Variants in RBFOX3 observed in about 807,000 individuals in gnomAD.
RBFOX3 encodes the protein RNA binding fox-1 homolog 3, also known as RNA binding protein fox-1 homolog 3.
A neutral mutation model predicts 48.7 loss-of-function variants in RBFOX3; 17 were observed. The observed-to-expected ratio is 0.35, with a 90% CI of 0.24 to 0.52. The LOEUF (loss-of-function observed/expected upper bound fraction) is 0.52. Ranked by LOEUF, RBFOX3 falls within the 20% of genes least tolerant of loss-of-function variation. RBFOX3 has a pLI of 0.94. For synonymous variants in RBFOX3, 212 were observed against 209.5 expected (o/e 1.01, Z -0.10); for missense variants, 382 against 497.5 (o/e 0.77, Z 2.21).
chr17:79,485,272 G>A (rs1025707960), intron 1 of RBFOX3, among the ~76,000 whole-genome samples: 1 of 152,174 alleles, frequency 6.6e-6, no homozygotes. Context: ...AATGGAAACA[G>A]AGTCCATCCC....
intron 3 of RBFOX3, among the ~76,000 whole-genome samples, chr17:79,238,645 CA>C (rs1164277670): frequency 6.6e-6 from 1 of 152,246 alleles, no homozygotes; most frequent in Non-Finnish European, 1.5e-5. Context: ...CCACCCCATC[CA>C]ACCCAGCTTC....
intron 1 of RBFOX3, among the ~76,000 whole-genome samples, chr17:79,488,733 C>T (rs2080037582): frequency 5.9e-5 from 9 of 152,226 alleles, no homozygotes; most frequent in Non-Finnish European, 2.9e-5. Context: ...CCCAAAGTGT[C>T]TTGGATGTCA....
intron 4 of RBFOX3, among the ~76,000 whole-genome samples, chr17:79,223,795 C>T (rs1249171694): frequency 6.6e-6 from 1 of 152,160 alleles, no homozygotes; most frequent in African/African-American, 2.4e-5. Flanking sequence ...TGCTCTGTGG[C>T]AGTGCGCCCC....
intron 4 of RBFOX3, among the ~76,000 whole-genome samples, chr17:79,169,099 G>A (rs1160933138): frequency 1.3e-5 from 2 of 152,008 alleles, no homozygotes; most frequent in African/African-American, 2.4e-5. Flanking sequence ...GAGCCCAGCT[G>A]CACAGGGCGG....
intron 1 of RBFOX3, among the ~76,000 whole-genome samples, chr17:79,506,798 G>A (rs1022854007): frequency 2.0e-5 from 3 of 152,304 alleles, no homozygotes; most frequent in South Asian, 2.1e-4. Flanking sequence ...GCAGAGGAGC[G>A]GCGGCCGCTT....
the RBFOX3 span, among the ~76,000 whole-genome samples, chr17:79,660,654 C>T: frequency 8.5e-5 from 13 of 152,190 alleles, no homozygotes; most frequent in South Asian, 2.3e-3. Flanking sequence ...CAGATGCTGG[C>T]GAGGTTATGG....
At chr17:79,225,302 T>TC (rs993784491) in intron 4 of RBFOX3, among the ~76,000 whole-genome samples, 4 of 149,684 alleles carry the variant, frequency 2.7e-5, no homozygotes, top group African/African-American at 4.9e-5. Context: ...TTTTTTTTTT[T>TC]TTTTTTTAGA....
chr17:79,272,070 C>T (rs74616926), intron 3 of RBFOX3, among the ~76,000 whole-genome samples: 2,065 of 152,306 alleles, frequency 0.014, 55 homozygotes, highest in African/African-American at 0.046. Flanking sequence ...GGCTGAGAGA[C>T]GACGGAAACT....
chr17:79,399,827 G>C (rs1042460867), intron 2 of RBFOX3, among the ~76,000 whole-genome samples: 2 of 152,226 alleles, frequency 1.3e-5, no homozygotes, highest in Non-Finnish European at 2.9e-5. Context: ...GCGTGAACGC[G>C]CCGCTGGAAA....
At chr17:79,504,708 T>C (rs1312218125) in intron 1 of RBFOX3, among the ~76,000 whole-genome samples, 1 of 152,196 alleles carries the variant, frequency 6.6e-6, no homozygotes, top group Non-Finnish European at 1.5e-5. Flanking sequence ...AGGGCCCGCC[T>C]GGATAATCCA....
In RBFOX3 at chr17:79,097,726, C is replaced by T; in HGVS notation, c.588G>A (p.Val196=). 6.4e-7 allele frequency: 1 copy of T among 1,551,358 alleles called. No homozygotes were observed. Among genetic ancestry groups the T allele is most frequent in the Non-Finnish European group, 8.7e-7 (1 of 1,146,876 alleles). Residue 196 remains valine, a synonymous_variant, in exon 10 of 15, where the codon GTG becomes GTA. Coordinates refer to ENST00000693108, the MANE Select transcript of RBFOX3 (RefSeq NM_001350451.2). ...ATTCAGGCCCGTAGACTGCGCCGACCACTGGATTTAGCTTCCAGCCTAAAA... is the reference window on the plus strand; with the variant it reads ...ATTCAGGCCCGTAGACTGCGCCGACTACTGGATTTAGCTTCCAGCCTAAAA... ...PYTNGWKLNP[V]VGAVYGPEFY...
chr17:79,524,124 C>A (rs2086489192), intron 1 of RBFOX3, among the ~76,000 whole-genome samples: 1 of 152,190 alleles, frequency 6.6e-6, no homozygotes, highest in African/African-American at 2.4e-5. Context: ...TTTGAGTTTT[C>A]CTCCTGAGAG....
chr17:79,555,373 G>T (rs1298207232), intron 1 of RBFOX3, among the ~76,000 whole-genome samples: 2 of 1,278 alleles, frequency 1.6e-3, no homozygotes, highest in African/African-American at 6.3e-3. Flanking sequence ...GGTGATGATG[G>T]TAGTTGTGGT....
intron 4 of RBFOX3, among the ~76,000 whole-genome samples, chr17:79,142,846 T>A (rs912458654): frequency 3.3e-5 from 5 of 152,152 alleles, no homozygotes; most frequent in African/African-American, 1.2e-4. Flanking sequence ...AAGAGCCATG[T>A]TCAAGGATGG....
intron 4 of RBFOX3, among the ~76,000 whole-genome samples, chr17:79,177,528 C>A (rs375943137): frequency 5.9e-5 from 9 of 152,224 alleles, no homozygotes; most frequent in East Asian, 1.9e-4. Context: ...AGCTTACCCC[C>A]CTCTGCGAGC....
At chr17:79,167,458 T>C (rs2048255305) in intron 4 of RBFOX3, among the ~76,000 whole-genome samples, 2 of 151,632 alleles carry the variant, frequency 1.3e-5, no homozygotes, top group East Asian at 1.9e-4. Flanking sequence ...TGTGGGTCCA[T>C]GGGACCTTGG....
intron 4 of RBFOX3, among the ~76,000 whole-genome samples, chr17:79,119,552 G>A (rs922920637): frequency 6.6e-6 from 1 of 152,114 alleles, no homozygotes; most frequent in South Asian, 2.1e-4. Flanking sequence ...GCCAAGCATC[G>A]GGGTCTAGAC....
In RBFOX3 at chr17:79,180,043, G is replaced by C. The variant is rs554962016; in HGVS notation, c.-34+55723C>G. Among the ~76,000 whole-genome samples, 457 of 152,328 alleles carry C rather than the reference G, an allele frequency of 3.0e-3. 3 individuals carry two copies. Among genetic ancestry groups the C allele is most frequent in the African/African-American group, 0.01 (425 of 41,570 alleles). ...CCTCATGAGCTCTTAACAAACACCA[G>C]AGCCCAATGCACAGCTGGAGTTCTC... is the stretch of plus-strand genomic sequence containing the variant. On this transcript the variant is annotated intron_variant, in intron 4 of 14. Coordinates refer to ENST00000693108, the MANE Select transcript of RBFOX3 (RefSeq NM_001350451.2).
chr17:79,393,009 T>A (rs1234165103), intron 2 of RBFOX3, among the ~76,000 whole-genome samples: 1 of 152,174 alleles, frequency 6.6e-6, no homozygotes, highest in Non-Finnish European at 1.5e-5. Context: ...CAATTCCAAG[T>A]GCATCGTGAT....
Sources: allele counts gnomAD v4.1 joint callset (sites outside exome capture counted in the v4.1 genomes callset), GRCh38; gene constraint gnomAD v4.1.1; transcripts MANE v1.5; gene names NCBI Gene and HGNC (gene_info 2026-07-23, HGNC 2026-07-21).